Variants in SFTPB observed in about 807,000 individuals in gnomAD.
SFTPB encodes surfactant protein B, also known as pulmonary surfactant-associated protein B.
SFTPB carries 32 observed loss-of-function variants against 51.0 expected under a neutral mutation model. The ratio of observed to expected loss-of-function variants is 0.63; its 90% confidence interval spans 0.47 to 0.84. The LOEUF (loss-of-function observed/expected upper bound fraction) is 0.84, where lower values mean the gene tolerates loss of function less well. Among genes scored for constraint, SFTPB ranks in the 40% least tolerant of loss-of-function variants. The pLI, the probability that SFTPB is intolerant of heterozygous loss-of-function variation, is 0.00. For missense variants in SFTPB, 431 were observed against 491.2 expected, an observed-to-expected ratio of 0.88 and a Z score of 1.16; for synonymous variants, 211 against 208.5, an observed-to-expected ratio of 1.01 and a Z score of -0.10.
rs1001932742 is a variant in SFTPB at position 85,657,820 on chromosome 2, A to C, written c.*1882T>G. 3 of 146,802 alleles carry C rather than the reference A, an allele frequency of 2.0e-5. No individual in the cohort carries two copies. Among genetic ancestry groups the C allele is most frequent in the African/African-American group, 7.5e-5 (3 of 39,820 alleles). 9.1% of individuals were successfully genotyped at this position (146,802 alleles called of 1,614,324 possible). A position where few individuals can be genotyped will look rare whatever the true frequency, so the allele number is the denominator to read the frequency against. On this transcript the variant is annotated 3_prime_UTR_variant, in exon 11 of 11. Transcript: ENST00000519937. ...GAGTTAGGAGCAATTTTTTGTGGGC[A>C]GGGGGTGGATCTTACAAAGCACATT...
At chr2:85,668,217 C>T (rs1361757346), upstream of SFTPB, 1 of 1,548,524 alleles carries the variant, frequency 6.5e-7, no homozygotes, top group Admixed American at 2.0e-5. Context: ...CTGCTTGGTG[C>T]ATGGCCCCTT....
upstream of SFTPB, among the ~76,000 whole-genome samples, chr2:85,668,419 G>T (rs908877282): frequency 2.6e-5 from 4 of 152,232 alleles, no homozygotes; most frequent in Admixed American, 2.6e-4. Flanking sequence ...CATGTTCCTG[G>T]ACTTGTGGCT....
At chr2:85,668,224 C>T (rs1197733343), upstream of SFTPB, 7 of 1,545,410 alleles carry the variant, frequency 4.5e-6, no homozygotes, top group Non-Finnish European at 6.1e-6. Context: ...GTGCATGGCC[C>T]CTTATAGCTG....
Position 85,662,034 on chromosome 2 carries a change from AGGT to A in SFTPB, c.1075_1077del (p.Thr359del). On this transcript the variant is annotated inframe_deletion, in exon 9 of 11. Transcript: ENST00000519937. ...ACTGGGAGGGGTGGGTGTACCTGGC[AGGT>A]GGTGTGGGCATCCCAGCCCCTGGGC... is the stretch of plus-strand genomic sequence containing the variant. 6.3e-7 allele frequency: 1 copy of A among 1,597,098 alleles called. No homozygotes were observed. The highest frequency in any genetic ancestry group is 8.5e-7 in the Non-Finnish European group (1 of 1,173,678).
chr2:85,665,529 G>A (rs35404133), intron 5 of SFTPB, 77 bp downstream of exon 5: 229 of 1,541,192 alleles, frequency 1.5e-4, no homozygotes, highest in Middle Eastern at 7.9e-4. Context: ...CTCTCCCAGG[G>A]CCCAGTGCCC....
In SFTPB at chr2:85,665,608, G is replaced by A; in HGVS notation, c.580C>T (p.Gln194Ter). 6.2e-7 allele frequency: 1 copy of A among 1,613,498 alleles called. No individual in the cohort carries two copies. The highest frequency in any genetic ancestry group is 8.5e-7 in the Non-Finnish European group (1 of 1,179,896). ...ALQARPGPHT[Q>*]DLSEQQFPIP... ...CTGGCTGTGGGGGCCTCCCTCACCT[G>A]TGTGTGAGGCCCAGGCCTCGCCTGG... The change falls in exon 5 of 11, where the codon CAG (glutamine) becomes TAG (stop). Residue 194 changes from glutamine (Q) to a stop codon, truncating the protein, a stop_gained and splice_region_variant. Coordinates refer to ENST00000519937, the MANE Select transcript of SFTPB (RefSeq NM_000542.5). LOFTEE classifies it high-confidence loss of function.
intron 2 of SFTPB, among the ~76,000 whole-genome samples, chr2:85,667,453 C>T (rs537330989): frequency 6.6e-6 from 1 of 152,020 alleles, no homozygotes; most frequent in East Asian, 1.9e-4. Flanking sequence ...TATCCCTTCC[C>T]CTCCCATCCA....
Position 85,660,122 on chromosome 2 carries a change from C to CTT in SFTPB, c.*20-442_*20-441dup, listed in dbSNP as rs34073715. ...GTGGCCTGGCCACAGGCACCCACTACTTTTTTTTTTTTTTTTTTGAGACGG... is the reference window on the plus strand; with the variant it reads ...GTGGCCTGGCCACAGGCACCCACTACTTTTTTTTTTTTTTTTTTTTGAGACGG... On this transcript the variant is annotated intron_variant, in intron 10 of 10. Coordinates refer to ENST00000519937, the MANE Select transcript of SFTPB (RefSeq NM_000542.5). Among the ~76,000 whole-genome samples the CTT allele has an allele frequency of 3.2e-3, 437 of 135,152 alleles. 3 individuals are homozygous for CTT. Among genetic ancestry groups the CTT allele is most frequent in the East Asian group, 0.011 (54 of 4,782 alleles). 88.7% of individuals were successfully genotyped at this position (135,152 alleles called of 152,430 possible). A position where few individuals can be genotyped will look rare whatever the true frequency, so the allele number is the denominator to read the frequency against.
At chr2:85,663,974 A>G in intron 6 of SFTPB, 127 bp from the exon 7 acceptor site, 1 of 897,700 alleles carries the variant, frequency 1.1e-6, no homozygotes, top group Non-Finnish European at 1.7e-6. Flanking sequence ...GGGCAAGGCT[A>G]TTCACAAATA....
At chr2:85,660,795 A>G (rs1558571815) in intron 10 of SFTPB, among the ~76,000 whole-genome samples, 1 of 152,088 alleles carries the variant, frequency 6.6e-6, no homozygotes, top group African/African-American at 2.4e-5. Flanking sequence ...ATAAATGACC[A>G]CCATGTTAGG....
At chr2:85,668,464 G>T (rs34410778), upstream of SFTPB, among the ~76,000 whole-genome samples, 3,393 of 152,238 alleles carry the variant, frequency 0.022, 137 homozygotes, top group African/African-American at 0.076. Flanking sequence ...CTCCATACCT[G>T]GTCCCACCTC....
rs189048961 is a variant in SFTPB, at chr2:85,666,713, C to G, written c.297G>C (p.Glu99Asp). The G allele has an allele frequency of 1.9e-6, 3 of 1,613,846 alleles. No homozygotes were observed. The East Asian group carries it at 6.7e-5, about 36-fold the overall frequency. ...QDTMRKFLEQ[E>D]CNVLPLKLLM... ...GCAGCTTCAAGGGGAGGACGTTGCA[C>G]TCCTGCTCCAGGAACTTCCTCATCG... The change falls in exon 4 of 11, where the codon GAG (glutamate) becomes GAC (aspartate). Residue 99 changes from glutamate to aspartate, a missense_variant. Physicochemically the swap from Glu to Asp is conservative, Grantham distance 45. Coordinates refer to ENST00000519937, the MANE Select transcript of SFTPB (RefSeq NM_000542.5).
Position 85,663,389 on chromosome 2 carries a change from G to T in SFTPB, c.959C>A (p.Ala320Glu). Residue 320 changes from alanine (A) to glutamate (E), a missense_variant, in exon 8 of 11, where the codon GCA becomes GAA. Transcript: ENST00000519937. ...GNSSEQAIPQAMLQACVGSWL... is the reference protein window; with the variant it reads ...GNSSEQAIPQEMLQACVGSWL... ...GGAGCCAACACAGGCCTGGAGCATTGCCTGTGGTATGGCCTGCTCGCTGCT... is the reference window on the plus strand; with the variant it reads ...GGAGCCAACACAGGCCTGGAGCATTTCCTGTGGTATGGCCTGCTCGCTGCT... The T allele has an allele frequency of 6.2e-7, 1 of 1,613,722 alleles. No homozygotes were observed. The highest frequency in any genetic ancestry group is 8.5e-7 in the Non-Finnish European group (1 of 1,180,036).
In SFTPB at chr2:85,665,640, C is replaced by T. The variant is rs35524245; in HGVS notation, c.548G>A (p.Gly183Glu). 3.7e-5 allele frequency: 60 copies of T among 1,614,050 alleles called. No individual in the cohort carries two copies. The African/African-American group carries it at 8.0e-4, about 22-fold the overall frequency. The part of the protein sequence containing the change: ...LDKLVLPVLP[G>E]ALQARPGPHT... Reference sequence around the variant, plus strand: ...AGGCCCAGGCCTCGCCTGGAGGGCCCCGGGCAGCACAGGGAGGACGAGCTT... The same window carrying T: ...AGGCCCAGGCCTCGCCTGGAGGGCCTCGGGCAGCACAGGGAGGACGAGCTT... Residue 183 changes from glycine (G) to glutamate (E), a missense_variant, in exon 5 of 11, where the codon GGG becomes GAG. Physicochemically the swap from Gly to Glu is moderately conservative, Grantham distance 98 (BLOSUM62 -2). Transcript: ENST00000519937.
intron 7 of SFTPB, 57 bp downstream of exon 7, chr2:85,663,607 C>T: frequency 6.3e-7 from 1 of 1,593,246 alleles, no homozygotes; most frequent in East Asian, 2.3e-5. Flanking sequence ...CATGCAGTGG[C>T]AGGGTAGGGG....
In SFTPB at chr2:85,667,093, T is replaced by C. The variant is rs756327246; in HGVS notation, c.267+13A>G. On this transcript the variant is annotated intron_variant, in intron 3 of 10. Coordinates refer to ENST00000519937, the MANE Select transcript of SFTPB (RefSeq NM_000542.5). ...TGGGCCCCAACCTTCATCCAGGATC[T>C]GGGCATCATTACCTGGAAAATGGCC... The C allele has an allele frequency of 8.1e-6, 13 of 1,600,400 alleles. No individual in the cohort carries two copies. The highest frequency in any genetic ancestry group is 1.0e-5 in the Non-Finnish European group (12 of 1,167,518).
chr2:85,667,296 A>G, intron 2 of SFTPB, 119 bp from the exon 3 acceptor site: 1 of 774,784 alleles, frequency 1.3e-6, no homozygotes, highest in Non-Finnish European at 2.3e-6. Context: ...GCAGCTGCCC[A>G]CCAGCCCAAC....
intron 8 of SFTPB, 53 bp downstream of exon 8, chr2:85,663,293 C>T (rs1677400207): frequency 5.0e-6 from 8 of 1,601,352 alleles, no homozygotes; most frequent in Non-Finnish European, 5.9e-6. Flanking sequence ...CTGGGCTCAG[C>T]CTTCTGCCTT....
intron 10 of SFTPB, among the ~76,000 whole-genome samples, chr2:85,660,121 ACT>A (rs1677211618): frequency 7.4e-6 from 1 of 134,482 alleles, no homozygotes; most frequent in Non-Finnish European, 1.6e-5. Flanking sequence ...GGCACCCACT[ACT>A]TTTTTTTTTT....
Sources: gnomAD v4.1 joint callset for allele counts (sites outside exome capture counted in the v4.1 genomes callset) on GRCh38, gnomAD v4.1.1 for gene constraint, MANE v1.5 for transcripts, NCBI Gene and HGNC (gene_info 2026-07-23, HGNC 2026-07-21) for gene names.